The following LILRB5 variants were observed in gnomAD, a reference collection of about 807,000 sequenced individuals.
LILRB5 encodes the protein leukocyte immunoglobulin-like receptor subfamily B member 5.
LILRB5 carries 61 observed loss-of-function variants against 68.4 expected under a neutral mutation model. The ratio of observed to expected loss-of-function variants is 0.89; its 90% CI spans 0.73 to 1.10. The LOEUF is 1.10. Ranked by LOEUF, LILRB5 falls within the 50% of genes least tolerant of loss-of-function variation. The pLI is 0.00. For synonymous variants in LILRB5, 356 were observed against 315.8 expected (o/e 1.13, Z -1.35); for missense variants, 771 against 751.6 (o/e 1.03, Z -0.30).
chr19:54,255,869 TGA>T, intron 4 of LILRB5, 172 bp downstream of exon 4: 3 of 658,534 alleles, frequency 4.6e-6, no homozygotes, highest in Non-Finnish European at 7.6e-6. Context: ...CAGGTGAGGG[TGA>T]CTCAGGCTCC....
intron 4 of LILRB5, 118 bp downstream of exon 4, chr19:54,255,925 T>G: frequency 1.1e-6 from 1 of 877,384 alleles, no homozygotes; most frequent in Middle Eastern, 3.0e-4. Flanking sequence ...CCTCACGCCT[T>G]CAGCCCATCC....
rs1177457557 is a variant in LILRB5, at chr19:54,254,895, C to G, written c.1095G>C (p.Leu365=). The change falls in exon 6 of 13, where the codon CTG becomes CTC. Residue 365 remains leucine (L), a synonymous_variant. Coordinates refer to ENST00000449561, the MANE Select transcript of LILRB5 (RefSeq NM_001081442.3). ...AAGACTGGTACTTTGACTTTAGACACAGCGGGGGATGGGCTGCCCCCTCCT... is the reference window on the plus strand; with the variant it reads ...AAGACTGGTACTTTGACTTTAGACAGAGCGGGGGATGGGCTGCCCCCTCCT... ...LTKEGAAHPP[L]CLKSKYQSYR... is the part of the protein sequence containing the mutation. 2.5e-6 allele frequency: 4 copies of G among 1,614,110 alleles called. No homozygotes were observed. In the African/African-American group the frequency reaches 4.0e-5, roughly 16 times the overall value.
rs1215253151 is a variant in LILRB5, at chr19:54,256,676, C to T, written c.168G>A (p.Glu56=). The change falls in exon 3 of 13, where the codon GAG becomes GAA. Residue 56 remains glutamate (E), a synonymous_variant. Transcript: ENST00000449561. ...TLWCQGPLET[E]EYRLDKEGLP... ...GTCCCTCCTTATCCAGACGGTACTC[C>T]TCAGTCTCCAGGGGCCCCTGACACC... The T allele has an allele frequency of 1.2e-6, 2 of 1,614,190 alleles. No individual in the cohort carries two copies. Among genetic ancestry groups the T allele is most frequent in the East Asian group, 4.5e-5 (2 of 44,884 alleles).
Position 54,255,349 on chromosome 19 carries a change from C to T in LILRB5, c.889G>A (p.Gly297Ser), listed in dbSNP as rs150300422. 1.8e-5 allele frequency: 29 copies of T among 1,613,910 alleles called. No homozygotes were observed. The highest frequency in any genetic ancestry group is 1.7e-4 in the African/African-American group (13 of 74,914). ...RSHGGQYRCY[G>S]AHNLSPRWSA... ...CACCTAGGGGAGAGGTTGTGTGCAC[C>T]GTAGCATCTGTACTGGCCCCCGTGG... The change falls in exon 5 of 13, where the codon GGT becomes AGT. Residue 297 changes from glycine (G) to serine (S), a missense_variant. Gly to Ser is a moderately conservative substitution (Grantham distance 56). Coordinates refer to ENST00000449561, the MANE Select transcript of LILRB5 (RefSeq NM_001081442.3).
At chr19:54,257,133 C>A (rs370482084) in intron 1 of LILRB5, 27 bp downstream of exon 1, 17 of 1,613,938 alleles carry the variant, frequency 1.1e-5, no homozygotes, top group East Asian at 2.2e-5. Context: ...AAGACGGGGA[C>A]CTTCCTTCCC....
chr19:54,254,415 C>G lies in LILRB5; in HGVS notation c.1256G>C (p.Gly419Ala). 1 of 1,583,310 alleles carries G rather than the reference C, an allele frequency of 6.3e-7. No individual in the cohort carries two copies. Among genetic ancestry groups the G allele is most frequent in the Non-Finnish European group, 8.6e-7 (1 of 1,164,842 alleles). The change falls in exon 7 of 13, where the codon GGA becomes GCA. Residue 419 changes from glycine (G) to alanine (A), a missense_variant and splice_region_variant. Transcript: ENST00000449561. Reference sequence around the variant, plus strand: ...TGAGAGGCTGGGATCCCCAGAGGGTCCTGGGAATAAGCACAGAAAGGGAGC... The same window carrying G: ...TGAGAGGCTGGGATCCCCAGAGGGTGCTGGGAATAAGCACAGAAAGGGAGC... The part of the protein sequence containing the change: ...PSYPQELVVS[G>A]PSGDPSLSPT...
rs2079130064 is a variant in LILRB5, at chr19:54,256,059, CAGG to C, written c.636_638del (p.Leu213del). The C allele has an allele frequency of 3.9e-6, 6 of 1,546,838 alleles. No homozygotes were observed. In the South Asian group the frequency reaches 6.1e-5, roughly 16 times the overall value. ...CTTTTTCACCTGGGACCAGAATCTC[CAGG>C]AGGTCACTGGGGTTCGACCACACCT... On this transcript the variant is annotated inframe_deletion, in exon 4 of 13. Coordinates refer to ENST00000449561, the MANE Select transcript of LILRB5 (RefSeq NM_001081442.3).
At chr19:54,255,801 A>G in intron 4 of LILRB5, 1 of 694,260 alleles carries the variant, frequency 1.4e-6, no homozygotes, top group South Asian at 2.0e-5. Context: ...TCCTCTCCTC[A>G]TTGAGGGACA....
At chr19:54,252,435 T>A in intron 10 of LILRB5, 32 bp from the exon 11 acceptor site, 1 of 1,614,004 alleles carries the variant, frequency 6.2e-7, no homozygotes, top group South Asian at 1.1e-5. Flanking sequence ...TGAGGGGCAG[T>A]GAGGGGGCTG....
Position 54,256,140 on chromosome 19 carries a change from G to A in LILRB5, c.558C>T (p.Thr186=). The A allele has an allele frequency of 1.2e-6, 2 of 1,611,036 alleles. No individual in the cohort carries two copies. The highest frequency in any genetic ancestry group is 1.7e-4 in the Middle Eastern group (1 of 6,024). Residue 186 remains threonine (T), a synonymous_variant, in exon 4 of 13, where the codon ACC becomes ACT. Coordinates refer to ENST00000449561, the MANE Select transcript of LILRB5 (RefSeq NM_001081442.3). ...ATCTGAACCTCCACCTGCAGCTGGG[G>A]GTCACGGGACCCACAGGGAACAGGG... is the stretch of plus-strand genomic sequence containing the variant. ...SQALFPVGPV[T]PSCRWRFRCY...
chr19:54,256,974 G>C lies in LILRB5; in HGVS notation c.57C>G (p.Thr19=), dbSNP rs199891662. 13 of 1,614,216 alleles carry C rather than the reference G, an allele frequency of 8.1e-6. No homozygotes were observed. In the East Asian group the frequency reaches 2.5e-4, roughly 30 times the overall value. ...GGACAGACTCACCTGCCTGCACGCA[G>C]GTCCTGGGGCCCACACTCAGCCCTG... is the stretch of plus-strand genomic sequence containing the variant. ...ICLGLSVGPR[T]CVQAGTLPKP... The change falls in exon 2 of 13, where the codon ACC becomes ACG. Residue 19 remains threonine, a synonymous_variant. Transcript: ENST00000449561.
chr19:54,255,505 G>C lies in LILRB5; in HGVS notation c.733C>G (p.Arg245Gly), dbSNP rs201173864. The change falls in exon 5 of 13, where the codon CGC (arginine) becomes GGC (glycine). Residue 245 changes from arginine (R) to glycine (G), a missense_variant. By Grantham distance (125) the Arg-to-Gly change is moderately radical (BLOSUM62 -2). Coordinates refer to ENST00000449561, the MANE Select transcript of LILRB5 (RefSeq NM_001081442.3). ...AATATGTCATAGCCGACATCAGAGC[G>C]ACACTGCAGGGTCAGGCTGCCTCCG... ...ARGGSLTLQC[R>G]SDVGYDIFVL... 7 of 1,613,928 alleles carry C rather than the reference G, an allele frequency of 4.3e-6. No homozygotes were observed. Among genetic ancestry groups the C allele is most frequent in the South Asian group, 3.3e-5 (3 of 91,088 alleles).
At chr19:54,257,061 G>A (rs2147672706) in intron 1 of LILRB5, 65 bp from the exon 2 acceptor site, 2 of 1,614,044 alleles carry the variant, frequency 1.2e-6, no homozygotes, top group East Asian at 2.2e-5. Flanking sequence ...TCCTCCCTCG[G>A]AGCCTCTGAT....
In LILRB5 at chr19:54,250,742, C is replaced by T; in HGVS notation, c.*44G>A. 2.5e-6 allele frequency: 4 copies of T among 1,613,126 alleles called. No individual in the cohort carries two copies. Among genetic ancestry groups the T allele is most frequent in the Non-Finnish European group, 3.4e-6 (4 of 1,179,416 alleles). On this transcript the variant is annotated 3_prime_UTR_variant, in exon 13 of 13. Coordinates refer to ENST00000449561, the MANE Select transcript of LILRB5 (RefSeq NM_001081442.3). ...GCAGCTCCTGTGCCTTCTGGAGTCT[C>T]TGAGTCTCCTTCTGTTGAGTATGAG...
rs760950533 is a variant in LILRB5, at chr19:54,255,274, T to C, written c.952+12A>G. Reference sequence around the variant, plus strand: ...AGCCTGGGTCCCTGACTGAACCCGCTGGGCTCCTCACCTGCGATCAGGATG... The same window carrying C: ...AGCCTGGGTCCCTGACTGAACCCGCCGGGCTCCTCACCTGCGATCAGGATG... On this transcript the variant is annotated intron_variant, in intron 5 of 12. Coordinates refer to ENST00000449561, the MANE Select transcript of LILRB5 (RefSeq NM_001081442.3). 1.2e-6 allele frequency: 2 copies of C among 1,612,008 alleles called. No homozygotes were observed. The highest frequency in any genetic ancestry group is 1.7e-6 in the Non-Finnish European group (2 of 1,179,478).
rs2078920711 is a variant in LILRB5, at chr19:54,250,839, C to T, written c.1723G>A (p.Glu575Lys). Residue 575 changes from glutamate to lysine, a missense_variant, in exon 13 of 13, where the codon GAA becomes AAA. By Grantham distance (56) the Glu-to-Lys change is moderately conservative. Coordinates refer to ENST00000449561, the MANE Select transcript of LILRB5 (RefSeq NM_001081442.3). ...CTGGGTTCAGCTGGAGGTTCCCTTT[C>T]CTGGGATGGAGGAGGCTCAGTTGCC... Reference protein sequence around the residue: ...REATEPPPSQEREPPAEPSIY... With the variant: ...REATEPPPSQKREPPAEPSIY... The T allele has an allele frequency of 6.2e-6, 10 of 1,614,022 alleles. No individual in the cohort carries two copies. Among genetic ancestry groups the T allele is most frequent in the African/African-American group, 1.3e-5 (1 of 74,986 alleles).
At position 54,255,711 on chromosome 19, in the gene LILRB5, CCTT is replaced by C. The variant is rs1303637362; in HGVS notation, c.656-132_656-130del. ...CTCTGTGTCTCGGATCCCGGGGCCT[CCTT>C]CTCACCTGGGTCTGTCTTGGAGTAG... On this transcript the variant is annotated intron_variant, in intron 4 of 12. Transcript: ENST00000449561. 4.4e-6 allele frequency: 5 copies of C among 1,137,314 alleles called. No individual in the cohort carries two copies. The East Asian group carries it at 7.8e-5, about 18-fold the overall frequency. The allele number at this position is 1,137,314 out of a possible 1,614,324, so 70.5% of individuals were successfully genotyped here. A position where few individuals can be genotyped will look rare whatever the true frequency, so the allele number is the denominator to read the frequency against.
rs2079039098 is a variant in LILRB5, at chr19:54,254,021, T to A, written c.1354A>T (p.Ser452Cys). 1 of 1,593,712 alleles carries A rather than the reference T, an allele frequency of 6.3e-7. No individual in the cohort carries two copies. Among genetic ancestry groups the A allele is most frequent in the African/African-American group, 1.3e-5 (1 of 74,638 alleles). The change falls in exon 8 of 13, where the codon AGT becomes TGT. Residue 452 changes from serine to cysteine, a missense_variant. Ser to Cys is a moderately radical substitution (Grantham distance 112). Transcript: ENST00000449561. ...CCACTCAGAGCCCCTCACTCACCAC[T>A]CTGGGGATCCAACCCCGTGGGGGTG... ...PLTPTGLDPQ[S>C]GLGRHLGVVT...
chr19:54,255,629 G>C (rs370486597), intron 4 of LILRB5, 47 bp from the exon 5 acceptor site: 1 of 1,566,676 alleles, frequency 6.4e-7, no homozygotes, highest in African/African-American at 1.4e-5. Context: ...TTCCTCCCCC[G>C]CCCCTTCCTT....
Sources: allele counts gnomAD v4.1 joint callset, GRCh38; gene constraint gnomAD v4.1.1; transcripts MANE v1.5; gene names NCBI Gene and HGNC (gene_info 2026-07-23, HGNC 2026-07-21).